Variants in AFAP1 observed in about 807,000 individuals in gnomAD.
The protein encoded by AFAP1 is actin filament associated protein 1, also known as actin filament-associated protein 1.
A neutral mutation model predicts 93.9 loss-of-function variants in AFAP1; 75 were observed. That is an observed-to-expected ratio of 0.80 (90% CI 0.66 to 0.97). The LOEUF (loss-of-function observed/expected upper bound fraction) is 0.97. AFAP1 is among the 50% of genes least tolerant of loss of function. The pLI, the probability that AFAP1 is intolerant of heterozygous loss-of-function variation, is 0.00. For synonymous variants in AFAP1, 517 were observed against 430.7 expected, an observed-to-expected ratio of 1.20 and a Z score of -2.48; for missense variants, 1,201 against 1,050.8, an observed-to-expected ratio of 1.14 and a Z score of -1.98.
At chr4:7,872,110 G>C (rs747184069) in intron 1 of AFAP1, 30 bp from the exon 2 acceptor site, 25 of 1,611,376 alleles carry the variant, frequency 1.6e-5, no homozygotes, top group Middle Eastern at 1.7e-4. Context: ...AGTATTATTA[G>C]ACCCAGTGAT....
At chr4:7,878,383 G>A (rs1406476737) in intron 1 of AFAP1, among the ~76,000 whole-genome samples, 2 of 152,186 alleles carry the variant, frequency 1.3e-5, no homozygotes, top group East Asian at 1.9e-4. Context: ...AGTTTCCACT[G>A]ATGTATTCCG....
chr4:7,803,662 C>A (rs1719247170), intron 9 of AFAP1, among the ~76,000 whole-genome samples: 1 of 152,240 alleles, frequency 6.6e-6, no homozygotes, highest in African/African-American at 2.4e-5. Flanking sequence ...GGCCCCGATT[C>A]CCAACCACAG....
chr4:7,798,845 A>C, intron 10 of AFAP1: 4 of 961,488 alleles, frequency 4.2e-6, no homozygotes, highest in Non-Finnish European at 5.0e-6. Context: ...CCGCACCCCG[A>C]GCTTCTCTGT....
intron 8 of AFAP1, among the ~76,000 whole-genome samples, chr4:7,811,508 T>C (rs1720035439): frequency 6.6e-6 from 1 of 152,046 alleles, no homozygotes. Context: ...TGGTCCTCTT[T>C]CTGCCTCCAC....
intron 9 of AFAP1, among the ~76,000 whole-genome samples, chr4:7,802,105 T>C (rs902310768): frequency 2.0e-5 from 3 of 152,080 alleles, no homozygotes; most frequent in African/African-American, 4.8e-5. Context: ...CTTATAACTA[T>C]TGGTTCAGTG....
chr4:7,834,189 A>C (rs1045372042), intron 6 of AFAP1, among the ~76,000 whole-genome samples: 7 of 152,002 alleles, frequency 4.6e-5, no homozygotes, highest in African/African-American at 1.7e-4. Flanking sequence ...ATTTGCAGCA[A>C]CCTGGATGAG....
At chr4:7,914,609 G>A (rs1306135232) in intron 1 of AFAP1, among the ~76,000 whole-genome samples, 1 of 152,116 alleles carries the variant, frequency 6.6e-6, no homozygotes, top group African/African-American at 2.4e-5. Flanking sequence ...TAACACAGAG[G>A]TACAGATGCC....
chr4:7,812,493 T>C (rs1168252760), intron 8 of AFAP1, among the ~76,000 whole-genome samples: 1 of 152,136 alleles, frequency 6.6e-6, no homozygotes, highest in African/African-American at 2.4e-5. Flanking sequence ...AATCCAAGTA[T>C]ATGGGAACAT....
At chr4:7,829,718 T>G (rs1045001885) in intron 6 of AFAP1, among the ~76,000 whole-genome samples, 4 of 152,168 alleles carry the variant, frequency 2.6e-5, no homozygotes, top group African/African-American at 7.2e-5. Context: ...GCTAACACAC[T>G]CTATTGGCAA....
intron 17 of AFAP1, 73 bp downstream of exon 17, chr4:7,768,771 T>TCA (rs1714978018): frequency 6.8e-7 from 1 of 1,460,832 alleles, no homozygotes; most frequent in Non-Finnish European, 9.1e-7. Context: ...GGCTCCCTAC[T>TCA]CACACCCGAG....
Position 7,939,273 on chromosome 4 carries a change from G to T in AFAP1, c.-3+383C>A. On this transcript the variant is annotated intron_variant, in intron 1 of 17. Transcript: ENST00000420658. This position sits in a 1 kb window ranked among gnomAD's most constrained non-coding sequence, Gnocchi z 5.6. Reference sequence around the variant, plus strand: ...CGAAGCAGTCTCGCTACGGGGGAGGGCGGCGGAGCCTCCCACTCTTGGTGA... The same window carrying T: ...CGAAGCAGTCTCGCTACGGGGGAGGTCGGCGGAGCCTCCCACTCTTGGTGA... The T allele has an allele frequency of 3.2e-6, 1 of 313,638 alleles. No homozygotes were observed. Among genetic ancestry groups the T allele is most frequent in the Admixed American group, 4.0e-5 (1 of 25,046 alleles). 19.4% of individuals were successfully genotyped at this position (313,638 alleles called of 1,614,324 possible). A position where few individuals can be genotyped will look rare whatever the true frequency, so the allele number is the denominator to read the frequency against.
rs959865170 is a variant in AFAP1, at chr4:7,880,040, A to T, written c.-2-7960T>A. On this transcript the variant is annotated intron_variant, in intron 1 of 17. Transcript: ENST00000420658. Reference sequence around the variant, plus strand: ...AGGGAAATAAGAATTAGAACTAGACATCCCAGGAGACAAAGAATTCAACAA... The same window carrying T: ...AGGGAAATAAGAATTAGAACTAGACTTCCCAGGAGACAAAGAATTCAACAA... Among the ~76,000 whole-genome samples, 5 of 152,242 alleles carry T rather than the reference A, an allele frequency of 3.3e-5. No homozygotes were observed. In the East Asian group the frequency reaches 5.8e-4, roughly 18 times the overall value.
At chr4:7,834,008 T>C (rs1321460710) in intron 6 of AFAP1, among the ~76,000 whole-genome samples, 1 of 151,956 alleles carries the variant, frequency 6.6e-6, no homozygotes, top group Admixed American at 6.6e-5. Context: ...CACACATGTT[T>C]ATAACAGCAC....
rs538311181 is a variant in AFAP1 at position 7,939,262 on chromosome 4, T to G, written c.-3+394A>C. On this transcript the variant is annotated intron_variant, in intron 1 of 17. Coordinates refer to ENST00000420658, the MANE Select transcript of AFAP1 (RefSeq NM_001134647.2). The surrounding 1 kb of genome is among the most constrained non-coding windows in gnomAD (Gnocchi z 5.6). ...GGTAAGTCGGACGAAGCAGTCTCGC[T>G]ACGGGGGAGGGCGGCGGAGCCTCCC... 118 of 306,222 alleles carry G rather than the reference T, an allele frequency of 3.9e-4. 1 individual carries two copies. Among genetic ancestry groups the G allele is most frequent in the South Asian group, 2.8e-3 (113 of 40,426 alleles). 19.0% of individuals were successfully genotyped at this position (306,222 alleles called of 1,614,324 possible).
intron 1 of AFAP1, among the ~76,000 whole-genome samples, chr4:7,874,172 A>C (rs924355333): frequency 6.6e-6 from 1 of 152,194 alleles, no homozygotes; most frequent in African/African-American, 2.4e-5. Context: ...GAGCAAAATA[A>C]ACTAAACTAT....
At chr4:7,854,160 G>A (rs1399568413) in intron 4 of AFAP1, among the ~76,000 whole-genome samples, 3 of 152,174 alleles carry the variant, frequency 2.0e-5, no homozygotes, top group Non-Finnish European at 4.4e-5. Context: ...GGAACCCAAT[G>A]ACGTTCTGAG....
chr4:7,899,807 C>A (rs954628241), intron 1 of AFAP1, among the ~76,000 whole-genome samples: 2 of 149,834 alleles, frequency 1.3e-5, no homozygotes, highest in Non-Finnish European at 3.0e-5. Context: ...CTTCAACCAA[C>A]TGAAAACACC....
intron 9 of AFAP1, among the ~76,000 whole-genome samples, chr4:7,807,041 C>T (rs1719576543): frequency 6.6e-6 from 1 of 152,192 alleles, no homozygotes; most frequent in African/African-American, 2.4e-5. Flanking sequence ...CTGTTCTCAG[C>T]TCGCTGTGTG....
intron 6 of AFAP1, among the ~76,000 whole-genome samples, chr4:7,837,965 G>T (rs560085250): frequency 8.5e-5 from 13 of 152,268 alleles, no homozygotes; most frequent in Non-Finnish European, 1.6e-4. Context: ...AGTGAACCAC[G>T]ATCATACCGC....
Sources: gnomAD v4.1 joint callset for allele counts (sites outside exome capture counted in the v4.1 genomes callset) on GRCh38, gnomAD v4.1.1 for gene constraint, Gnocchi (gnomAD v3.1) non-coding constraint, MANE v1.5 for transcripts, NCBI Gene and HGNC (gene_info 2026-07-23, HGNC 2026-07-21) for gene names.